MTA3: variants seen among roughly 807,000 people sequenced by gnomAD.
MTA3 encodes the protein metastasis-associated protein MTA3.
Under a neutral mutation model 83.5 loss-of-function variants are expected in MTA3, and 34 were observed. That is an observed-to-expected ratio of 0.41 (90% CI 0.31 to 0.54). The LOEUF (loss-of-function observed/expected upper bound fraction) is 0.54, where lower values mean the gene tolerates loss of function less well. Among genes scored for constraint, MTA3 ranks in the 20% least tolerant of loss-of-function variants. MTA3 has a pLI of 0.33. For missense variants in MTA3, 761 were observed against 726.4 expected, an observed-to-expected ratio of 1.05 and a Z score of -0.55; for synonymous variants, 303 against 252.7, an observed-to-expected ratio of 1.20 and a Z score of -1.89.
chr2:42,664,811 A>G (rs1260043831), intron 8 of MTA3, among the ~76,000 whole-genome samples: 2 of 152,038 alleles, frequency 1.3e-5, no homozygotes, highest in African/African-American at 4.8e-5. Flanking sequence ...TATTCTGAGG[A>G]CTTCAATGGG....
intron 4 of MTA3, among the ~76,000 whole-genome samples, chr2:42,627,066 T>C (rs1686177250): frequency 6.6e-6 from 1 of 152,168 alleles, no homozygotes; most frequent in South Asian, 2.1e-4. Flanking sequence ...TATTTTGGGC[T>C]TTGTTTCTTT....
intron 11 of MTA3, among the ~76,000 whole-genome samples, chr2:42,701,551 C>T (rs950189701): frequency 1.3e-5 from 2 of 151,780 alleles, no homozygotes. Context: ...GAGTGGTGAT[C>T]ACACCACTAC....
chr2:42,536,223 C>T (rs769091379), intron 2 of MTA3, among the ~76,000 whole-genome samples: 1 of 151,532 alleles, frequency 6.6e-6, no homozygotes, highest in African/African-American at 2.4e-5. Flanking sequence ...CCTGTAATCC[C>T]AGCACTTTGG....
chr2:42,546,067 C>T (rs951014163), intron 2 of MTA3, among the ~76,000 whole-genome samples: 3 of 152,094 alleles, frequency 2.0e-5, no homozygotes, highest in Non-Finnish European at 2.9e-5. Context: ...TTGGCTGATC[C>T]GGGAATTCAC....
At chr2:42,571,095 G>C (rs1009552565) in intron 2 of MTA3, among the ~76,000 whole-genome samples, 6 of 151,962 alleles carry the variant, frequency 3.9e-5, no homozygotes, top group Admixed American at 3.9e-4. Flanking sequence ...CAGACTCTTT[G>C]AAAGATGAGA....
intron 16 of MTA3, among the ~76,000 whole-genome samples, chr2:42,727,384 A>T (rs1249745893): frequency 3.9e-5 from 6 of 152,094 alleles, no homozygotes; most frequent in Admixed American, 3.9e-4. Flanking sequence ...GTATGCTGTC[A>T]TTGTGGTTTC....
chr2:42,572,808 A>G (rs1255647524), intron 2 of MTA3, among the ~76,000 whole-genome samples: 2 of 151,970 alleles, frequency 1.3e-5, no homozygotes, highest in Non-Finnish European at 2.9e-5. Flanking sequence ...GCTCACTGCA[A>G]CCTCTTCCTC....
chr2:42,649,907 C>T (rs1394539621), intron 6 of MTA3, among the ~76,000 whole-genome samples: 5 of 152,158 alleles, frequency 3.3e-5, no homozygotes, highest in South Asian at 4.1e-4. Context: ...AAAAGATCAG[C>T]GGACCTTTAT....
intron 8 of MTA3, among the ~76,000 whole-genome samples, chr2:42,679,082 T>C (rs996938801): frequency 6.6e-6 from 1 of 152,110 alleles, no homozygotes; most frequent in Non-Finnish European, 1.5e-5. Flanking sequence ...AATGAGCAAA[T>C]ACCTTGTATT....
chr2:42,577,298 T>C (rs1679168059), intron 2 of MTA3, among the ~76,000 whole-genome samples: 1 of 151,562 alleles, frequency 6.6e-6, no homozygotes, highest in Non-Finnish European at 1.5e-5. Flanking sequence ...AAGAGGAATA[T>C]GGTAGCTGTA....
intron 8 of MTA3, among the ~76,000 whole-genome samples, chr2:42,663,617 T>G (rs1389681472): frequency 6.6e-6 from 1 of 152,020 alleles, no homozygotes; most frequent in African/African-American, 2.4e-5. Context: ...CAAAACAAAT[T>G]AGCCAGGCAT....
intron 2 of MTA3, among the ~76,000 whole-genome samples, chr2:42,497,245 C>T (rs1354817690): frequency 2.6e-5 from 4 of 151,562 alleles, no homozygotes; most frequent in Non-Finnish European, 5.9e-5. Flanking sequence ...ACAAACAAAA[C>T]CTAAAAGGAG....
intron 3 of MTA3, among the ~76,000 whole-genome samples, chr2:42,594,518 G>A (rs868489300): frequency 6.7e-6 from 1 of 150,192 alleles, no homozygotes; most frequent in Non-Finnish European, 1.5e-5. Flanking sequence ...GATTACAGGT[G>A]GGAGCCACTG....
At chr2:42,592,351 A>C (rs375161902) in intron 3 of MTA3, among the ~76,000 whole-genome samples, 101 of 152,310 alleles carry the variant, frequency 6.6e-4, no homozygotes, top group African/African-American at 2.3e-3. Flanking sequence ...TGGGAGGCTG[A>C]GATGGGAGGA....
At chr2:42,645,934 T>A (rs1688138927) in intron 6 of MTA3, among the ~76,000 whole-genome samples, 1 of 152,214 alleles carries the variant, frequency 6.6e-6, no homozygotes, top group African/African-American at 2.4e-5. Context: ...AGATGCCATC[T>A]AGGACTTTCA....
chr2:42,643,495 G>T (rs890697912), intron 5 of MTA3, among the ~76,000 whole-genome samples: 12 of 152,266 alleles, frequency 7.9e-5, no homozygotes, highest in African/African-American at 2.9e-4. Context: ...TATGCTGTTG[G>T]TGAGCATGTA....
intron 4 of MTA3, among the ~76,000 whole-genome samples, chr2:42,632,163 C>T (rs1463988674): frequency 2.8e-5 from 4 of 144,560 alleles, no homozygotes; most frequent in African/African-American, 1.0e-4. Context: ...AGTCTCGGCT[C>T]ACTGCAAGCT....
chr2:42,620,993 C>T (rs2104188367), intron 4 of MTA3, among the ~76,000 whole-genome samples: 1 of 152,176 alleles, frequency 6.6e-6, no homozygotes, highest in Non-Finnish European at 1.5e-5. Context: ...CAGCCATTCA[C>T]AATGTAGACA....
chr2:42,753,603 C>A lies in MTA3; in HGVS notation c.*204C>A. 1 of 1,380,056 alleles carries A rather than the reference C, an allele frequency of 7.2e-7. No individual in the cohort carries two copies. Among genetic ancestry groups the A allele is most frequent in the Non-Finnish European group, 9.4e-7 (1 of 1,066,822 alleles). 85.5% of individuals were successfully genotyped at this position (1,380,056 alleles called of 1,614,324 possible). A position where few individuals can be genotyped will look rare whatever the true frequency, so the allele number is the denominator to read the frequency against. ...TGTGTCTCCACGTGTGGATCAGCAG[C>A]ACCTCGCTTTCTTGTCAGAGACCTC... is the stretch of plus-strand genomic sequence containing the variant. On this transcript the variant is annotated 3_prime_UTR_variant, in exon 17 of 17. Coordinates refer to ENST00000405094, the MANE Select transcript of MTA3 (RefSeq NM_001330442.2).
Sources: gnomAD v4.1 joint callset for allele counts (sites outside exome capture counted in the v4.1 genomes callset) on GRCh38, gnomAD v4.1.1 for gene constraint, MANE v1.5 for transcripts, NCBI Gene and HGNC (gene_info 2026-07-23, HGNC 2026-07-21) for gene names.